Variants in AGBL4 observed in about 807,000 individuals in gnomAD.
AGBL4 encodes AGBL carboxypeptidase 4, also known as cytosolic carboxypeptidase 6.
A neutral mutation model predicts 66.4 loss-of-function variants in AGBL4; 58 were observed. The ratio of observed to expected loss-of-function variants is 0.87; its 90% confidence interval spans 0.71 to 1.09. AGBL4 has a LOEUF of 1.09. Among genes scored for constraint, AGBL4 ranks in the 50% least tolerant of loss-of-function variants. AGBL4 has a pLI of 0.00. For missense variants in AGBL4, 579 were observed against 631.0 expected, an observed-to-expected ratio of 0.92 and a Z score of 0.88; for synonymous variants, 234 against 222.9, an observed-to-expected ratio of 1.05 and a Z score of -0.44.
intron 2 of AGBL4, among the ~76,000 whole-genome samples, chr1:49,714,983 A>G (rs1430575549): frequency 6.6e-6 from 1 of 152,066 alleles, no homozygotes; most frequent in African/African-American, 2.4e-5. Flanking sequence ...TTTTTCAATT[A>G]TACTTTAAGT....
At chr1:49,825,531 G>A (rs943550986) in intron 2 of AGBL4, among the ~76,000 whole-genome samples, 2 of 152,150 alleles carry the variant, frequency 1.3e-5, no homozygotes, top group Admixed American at 6.5e-5. Flanking sequence ...CTGGGTCACC[G>A]TGCCAAAATA....
intron 9 of AGBL4, among the ~76,000 whole-genome samples, chr1:48,591,634 A>G (rs541664271): frequency 1.3e-5 from 2 of 152,378 alleles, no homozygotes; most frequent in Non-Finnish European, 2.9e-5. Context: ...TACTGTATAT[A>G]TAATGCATGC....
At chr1:49,877,397 T>G (rs966339319) in intron 1 of AGBL4, among the ~76,000 whole-genome samples, 4 of 152,092 alleles carry the variant, frequency 2.6e-5, no homozygotes, top group African/African-American at 4.8e-5. Flanking sequence ...AAAGGCTTTT[T>G]CTGCATCTAT....
chr1:49,147,935 T>C (rs1007244130), intron 4 of AGBL4, among the ~76,000 whole-genome samples: 2 of 152,124 alleles, frequency 1.3e-5, no homozygotes, highest in Non-Finnish European at 2.9e-5. Flanking sequence ...ATCCTGTCTG[T>C]GTCCAAAGCA....
chr1:49,638,457 T>C (rs751671328), intron 3 of AGBL4, among the ~76,000 whole-genome samples: 4 of 152,194 alleles, frequency 2.6e-5, no homozygotes, highest in Non-Finnish European at 5.9e-5. Context: ...CTAATCTTCA[T>C]TCATTTCCTA....
At chr1:48,684,493 T>C (rs1570245815) in intron 6 of AGBL4, among the ~76,000 whole-genome samples, 1 of 152,112 alleles carries the variant, frequency 6.6e-6, no homozygotes, top group East Asian at 1.9e-4. Context: ...TTTGCCTCAA[T>C]TGTGGTTTGG....
chr1:49,055,389 G>C (rs898588674), intron 4 of AGBL4, among the ~76,000 whole-genome samples: 6 of 151,974 alleles, frequency 3.9e-5, no homozygotes, highest in Admixed American at 2.6e-4. Context: ...CTTATTTCTA[G>C]GAATGTCCCT....
intron 1 of AGBL4, among the ~76,000 whole-genome samples, chr1:49,911,059 T>C (rs983217588): frequency 6.6e-6 from 1 of 152,182 alleles, no homozygotes; most frequent in Admixed American, 6.5e-5. Flanking sequence ...AGTAAACTTG[T>C]GGAAGGGAGG....
At chr1:49,999,934 A>G (rs1057222194) in intron 1 of AGBL4, among the ~76,000 whole-genome samples, 1 of 152,194 alleles carries the variant, frequency 6.6e-6, no homozygotes, top group Admixed American at 6.5e-5. Context: ...GATGGATCAA[A>G]TACTTAAATC....
At chr1:49,775,812 T>C (rs1644181165) in intron 2 of AGBL4, among the ~76,000 whole-genome samples, 1 of 152,102 alleles carries the variant, frequency 6.6e-6, no homozygotes, top group Non-Finnish European at 1.5e-5. Flanking sequence ...TATAATAATA[T>C]ACAGAATATT....
chr1:49,646,779 C>T (rs1387053155), intron 3 of AGBL4, among the ~76,000 whole-genome samples: 1 of 151,912 alleles, frequency 6.6e-6, no homozygotes, highest in Non-Finnish European at 1.5e-5. Context: ...TCAAGATTTA[C>T]AGTCCTACAA....
At chr1:49,079,223 G>C (rs1644763690) in intron 4 of AGBL4, among the ~76,000 whole-genome samples, 1 of 152,138 alleles carries the variant, frequency 6.6e-6, no homozygotes, top group Non-Finnish European at 1.5e-5. Flanking sequence ...CAGACTCAAG[G>C]TTACAAAGCC....
chr1:49,419,952 T>A (rs1645507723), intron 3 of AGBL4, among the ~76,000 whole-genome samples: 1 of 152,164 alleles, frequency 6.6e-6, no homozygotes, highest in South Asian at 2.1e-4. Flanking sequence ...TTTGAAAATT[T>A]GTTAGAAGTG....
rs1276122188 is a variant in AGBL4, at chr1:49,938,060, G to T, written c.34+85703C>A. ...GAAAAAATTAATGAATCCAGGAGCT[G>T]GTTTTTTGAAAGGATCAACAAAAGT... On this transcript the variant is annotated intron_variant, in intron 1 of 13. Coordinates refer to ENST00000371839, the MANE Select transcript of AGBL4 (RefSeq NM_032785.4). Among the ~76,000 whole-genome samples the T allele has an allele frequency of 4.0e-5, 6 of 149,588 alleles. 1 individual carries two copies. Among genetic ancestry groups the T allele is most frequent in the African/African-American group, 1.5e-4 (6 of 39,914 alleles).
intron 6 of AGBL4, among the ~76,000 whole-genome samples, chr1:48,839,521 A>G (rs1396276104): frequency 6.6e-6 from 1 of 152,152 alleles, no homozygotes; most frequent in Non-Finnish European, 1.5e-5. Context: ...AGAGCTAAAA[A>G]CATTGATGTC....
chr1:49,250,122 T>C (rs977693846), intron 3 of AGBL4, among the ~76,000 whole-genome samples: 2 of 152,042 alleles, frequency 1.3e-5, no homozygotes, highest in Non-Finnish European at 2.9e-5. Flanking sequence ...AAAATACAGA[T>C]GGATAGAAGG....
chr1:49,261,422 C>G (rs1023047430), intron 3 of AGBL4, among the ~76,000 whole-genome samples: 1 of 152,098 alleles, frequency 6.6e-6, no homozygotes. Flanking sequence ...ATTGGCTCAG[C>G]CCAAAATCTC....
chr1:49,667,285 C>T (rs1225334726), intron 3 of AGBL4, among the ~76,000 whole-genome samples: 1 of 151,894 alleles, frequency 6.6e-6, no homozygotes, highest in Admixed American at 6.6e-5. Flanking sequence ...ATGACAAAGC[C>T]CTGTGTCAAC....
chr1:49,935,130 T>G (rs955122611), intron 1 of AGBL4, among the ~76,000 whole-genome samples: 14 of 152,190 alleles, frequency 9.2e-5, no homozygotes, highest in African/African-American at 3.4e-4. Flanking sequence ...ACTCCCACCC[T>G]AATACAGCGC....
Sources: allele counts gnomAD v4.1 joint callset (sites outside exome capture counted in the v4.1 genomes callset), GRCh38; gene constraint gnomAD v4.1.1; transcripts MANE v1.5; gene names NCBI Gene and HGNC (gene_info 2026-07-23, HGNC 2026-07-21).